RAB3C: variants seen among roughly 807,000 people sequenced by gnomAD.
RAB3C encodes the protein RAB3C, member RAS oncogene family, also known as ras-related protein Rab-3C.
A neutral mutation model predicts 26.4 loss-of-function variants in RAB3C; 17 were observed. The observed-to-expected ratio is 0.64, with a 90% confidence interval of 0.44 to 0.97. The LOEUF is 0.97. RAB3C is among the 50% of genes least tolerant of loss of function. The pLI is 0.00. For synonymous variants in RAB3C, 91 were observed against 95.9 expected (o/e 0.95, Z 0.30); for missense variants, 242 against 281.9 (o/e 0.86, Z 1.01).
rs148334517 is a variant in RAB3C at position 58,641,288 on chromosome 5, G to A, written c.252+23418G>A. On this transcript the variant is annotated intron_variant, in intron 2 of 4. Transcript: ENST00000282878. ...GAACAGGCTGTTTTCACTGTGTACC[G>A]TTGTTTAGTTTTTCCAATCCTCCTG... Among the ~76,000 whole-genome samples, 10 of 152,322 alleles carry A rather than the reference G, an allele frequency of 6.6e-5. No individual in the cohort carries two copies. In the East Asian group the frequency reaches 1.5e-3, roughly 24 times the overall value.
intron 3 of RAB3C, among the ~76,000 whole-genome samples, chr5:58,731,390 T>C (rs1320620605): frequency 6.6e-6 from 1 of 152,134 alleles, no homozygotes; most frequent in East Asian, 1.9e-4. Context: ...TCAAAAAGAA[T>C]GTGAGAAACT....
At chr5:58,689,048 A>T (rs2111854849) in intron 2 of RAB3C, among the ~76,000 whole-genome samples, 1 of 152,212 alleles carries the variant, frequency 6.6e-6, no homozygotes, top group East Asian at 1.9e-4. Context: ...TAATCCCCAC[A>T]GAAGCTCTAT....
chr5:58,786,568 C>T lies in RAB3C; in HGVS notation c.372-38470C>T, dbSNP rs192662698. Reference sequence around the variant, plus strand: ...TCTCCTGCCCTGGTTCTTCCATGCTCTGTGTATATCTCTATGAATTCTCTA... The same window carrying T: ...TCTCCTGCCCTGGTTCTTCCATGCTTTGTGTATATCTCTATGAATTCTCTA... On this transcript the variant is annotated intron_variant, in intron 3 of 4. Coordinates refer to ENST00000282878, the MANE Select transcript of RAB3C (RefSeq NM_138453.4). Among the ~76,000 whole-genome samples, 48 of 152,274 alleles carry T rather than the reference C, an allele frequency of 3.2e-4. No individual in the cohort carries two copies. The East Asian group carries it at 7.9e-3, about 25-fold the overall frequency.
chr5:58,651,766 A>G (rs1747654159), intron 2 of RAB3C, among the ~76,000 whole-genome samples: 1 of 152,160 alleles, frequency 6.6e-6, no homozygotes. Flanking sequence ...GTCGGTATCC[A>G]CTGAGGACTG....
At chr5:58,769,412 A>G (rs1231626666) in intron 3 of RAB3C, among the ~76,000 whole-genome samples, 1 of 152,138 alleles carries the variant, frequency 6.6e-6, no homozygotes, top group African/African-American at 2.4e-5. Context: ...AGACTTGGGT[A>G]ATGGGGCAGT....
intron 2 of RAB3C, among the ~76,000 whole-genome samples, chr5:58,702,687 C>T (rs988279152): frequency 6.6e-6 from 1 of 152,046 alleles, no homozygotes. Context: ...TCCTCCCTTT[C>T]TCCTTTTCTT....
At chr5:58,673,072 G>A (rs925675359) in intron 2 of RAB3C, among the ~76,000 whole-genome samples, 1 of 152,002 alleles carries the variant, frequency 6.6e-6, no homozygotes, top group African/African-American at 2.4e-5. Context: ...GAATTGGCAG[G>A]GCAGAGAGGA....
chr5:58,775,671 C>G (rs1742115876), intron 3 of RAB3C, among the ~76,000 whole-genome samples: 2 of 152,126 alleles, frequency 1.3e-5, no homozygotes, highest in South Asian at 4.2e-4. Context: ...TGAAGTTTCT[C>G]CATTTGTAAA....
chr5:58,610,459 G>GGT, intron 1 of RAB3C, among the ~76,000 whole-genome samples: 1 of 151,756 alleles, frequency 6.6e-6, no homozygotes, highest in South Asian at 2.1e-4. Flanking sequence ...GGTATACAGT[G>GGT]GTATCTCACT....
chr5:58,702,455 A>C (rs1383424491), intron 2 of RAB3C, among the ~76,000 whole-genome samples: 1 of 152,152 alleles, frequency 6.6e-6, no homozygotes, highest in African/African-American at 2.4e-5. Flanking sequence ...ACAAAACATT[A>C]CTTTCTTTAG....
intron 1 of RAB3C, among the ~76,000 whole-genome samples, chr5:58,605,564 A>G (rs772770588): frequency 1.3e-5 from 2 of 152,092 alleles, no homozygotes; most frequent in Non-Finnish European, 2.9e-5. Flanking sequence ...TCACAACTTA[A>G]CGGAGCAGAA....
chr5:58,743,625 C>T (rs968389709), intron 3 of RAB3C, among the ~76,000 whole-genome samples: 2 of 152,076 alleles, frequency 1.3e-5, no homozygotes, highest in Non-Finnish European at 2.9e-5. Context: ...CGTGTGTTCT[C>T]ATCATTCAAC....
chr5:58,622,077 G>A (rs536980899), intron 2 of RAB3C, among the ~76,000 whole-genome samples: 7 of 152,198 alleles, frequency 4.6e-5, no homozygotes, highest in South Asian at 4.2e-4. Flanking sequence ...TCCTGAATGC[G>A]TTACACCTCC....
intron 4 of RAB3C, among the ~76,000 whole-genome samples, chr5:58,838,831 G>A (rs1005411068): frequency 3.3e-5 from 5 of 152,004 alleles, no homozygotes; most frequent in African/African-American, 4.8e-5. Context: ...ATATCACTGG[G>A]GTCTATCTTT....
intron 2 of RAB3C, among the ~76,000 whole-genome samples, chr5:58,657,228 T>C (rs1457361521): frequency 1.3e-5 from 2 of 151,618 alleles, no homozygotes; most frequent in Non-Finnish European, 2.9e-5. Flanking sequence ...CTTTGAGGAC[T>C]TTGGGGGGAA....
chr5:58,648,853 G>T (rs1048648494), intron 2 of RAB3C, among the ~76,000 whole-genome samples: 1 of 152,030 alleles, frequency 6.6e-6, no homozygotes, highest in African/African-American at 2.4e-5. Flanking sequence ...TTTTCTCCTG[G>T]GGGACAGTTC....
chr5:58,726,025 C>A lies in RAB3C; in HGVS notation c.276C>A (p.Tyr92Ter), dbSNP rs770634815. The A allele has an allele frequency of 1.2e-6, 2 of 1,600,512 alleles. No homozygotes were observed. The highest frequency in any genetic ancestry group is 1.7e-6 in the Non-Finnish European group (2 of 1,171,786). The change falls in exon 3 of 5, where the codon TAC (tyrosine) becomes TAA (stop). Residue 92 changes from tyrosine (Y) to a stop codon, truncating the protein, a stop_gained. Coordinates refer to ENST00000282878, the MANE Select transcript of RAB3C (RefSeq NM_138453.4). LOFTEE classifies it high-confidence loss of function. ...AGGACACAGCAGGCCAGGAAAGATA[C>A]AGGACTATCACCACAGCCTATTATC... Reference protein sequence around the residue: ...QIWDTAGQERYRTITTAYYRG... With the variant: ...QIWDTAGQER
chr5:58,740,429 G>A lies in RAB3C; in HGVS notation c.371+14309G>A, dbSNP rs780784704. On this transcript the variant is annotated intron_variant, in intron 3 of 4. Transcript: ENST00000282878. ...GTCTCCATCCTGTGTTGGGAGCTCAGCCACCATGTTCATGGGTAATTTTCC... is the reference window on the plus strand; with the variant it reads ...GTCTCCATCCTGTGTTGGGAGCTCAACCACCATGTTCATGGGTAATTTTCC... Among the ~76,000 whole-genome samples the A allele has an allele frequency of 4.2e-4, 64 of 152,300 alleles. 1 individual carries two copies. The highest frequency in any genetic ancestry group is 4.6e-4 in the Non-Finnish European group (31 of 68,032).
chr5:58,807,084 G>A (rs1742957411), intron 3 of RAB3C, among the ~76,000 whole-genome samples: 1 of 152,160 alleles, frequency 6.6e-6, no homozygotes, highest in Admixed American at 6.5e-5. Flanking sequence ...TCTGTAGAAT[G>A]GGAAAATAAA....
Sources: gnomAD v4.1 joint callset for allele counts (sites outside exome capture counted in the v4.1 genomes callset) on GRCh38, gnomAD v4.1.1 for gene constraint, MANE v1.5 for transcripts, NCBI Gene and HGNC (gene_info 2026-07-23, HGNC 2026-07-21) for gene names.